Variants in CAMTA1 observed in about 807,000 individuals in gnomAD.
CAMTA1 encodes the protein calmodulin binding transcription activator 1, also known as calmodulin-binding transcription activator 1.
A neutral mutation model predicts 170.9 loss-of-function variants in CAMTA1; 27 were observed. The ratio of observed to expected loss-of-function variants is 0.16; its 90% CI spans 0.12 to 0.22. The LOEUF is 0.22. CAMTA1 is among the 10% of genes least tolerant of loss of function. The probability of loss-of-function intolerance (pLI) is 1.00; values close to 1 mark genes in which losing one functional copy is unlikely to be tolerated. For synonymous variants in CAMTA1, 833 were observed against 891.5 expected (o/e 0.93, Z 1.17); for missense variants, 1,619 against 2,217.2 (o/e 0.73, Z 5.42).
intron 4 of CAMTA1, among the ~76,000 whole-genome samples, chr1:7,245,203 A>G (rs962204836): frequency 2.3e-4 from 34 of 147,842 alleles, no homozygotes; most frequent in Non-Finnish European, 3.6e-4. Flanking sequence ...GTGTGTGTGT[A>G]TATATATATA....
Position 7,144,137 on chromosome 1 carries a change from C to T in CAMTA1, c.302+52766C>T, listed in dbSNP as rs891601236. Among the ~76,000 whole-genome samples, 3 of 152,162 alleles carry T rather than the reference C, an allele frequency of 2.0e-5. No individual in the cohort carries two copies. Among genetic ancestry groups the T allele is most frequent in the African/African-American group, 7.2e-5 (3 of 41,442 alleles). On this transcript the variant is annotated intron_variant, in intron 4 of 22. Transcript: ENST00000303635. The surrounding 1 kb of genome is among the most constrained non-coding windows in gnomAD (Gnocchi z 4.0). ...TTCTTATGTTCTGGAGGCTGGAAGT[C>T]TGAGATCAGGGTGCCAGCATGGCCA... is the stretch of plus-strand genomic sequence containing the variant.
chr1:7,494,773 C>T (rs1347690748), intron 6 of CAMTA1, among the ~76,000 whole-genome samples: 1 of 152,090 alleles, frequency 6.6e-6, no homozygotes, highest in Non-Finnish European at 1.5e-5. Flanking sequence ...CACTGCACTC[C>T]AGCGTGGGTG....
intron 4 of CAMTA1, among the ~76,000 whole-genome samples, chr1:7,171,483 A>T (rs1425175449): frequency 6.6e-6 from 1 of 152,212 alleles, no homozygotes; most frequent in Non-Finnish European, 1.5e-5. Flanking sequence ...TCTCAGGGCC[A>T]ACACAGACCA....
At chr1:7,023,926 G>C (rs1278151260) in intron 3 of CAMTA1, among the ~76,000 whole-genome samples, 1 of 151,604 alleles carries the variant, frequency 6.6e-6, no homozygotes, top group East Asian at 1.9e-4. Context: ...TACTCAGGAG[G>C]CTGAGGCAGG....
rs967041619 is a variant in CAMTA1 at position 6,918,458 on chromosome 1, T to C, written c.234+93248T>C. On this transcript the variant is annotated intron_variant, in intron 3 of 22. Coordinates refer to ENST00000303635, the MANE Select transcript of CAMTA1 (RefSeq NM_015215.4). This position sits in a 1 kb window ranked among gnomAD's most constrained non-coding sequence, Gnocchi z 4.0. ...ATCATTGGCAGTAATAGAAAAGTCATTGGAATAGAATGTTGTCACAGATAA... is the reference window on the plus strand; with the variant it reads ...ATCATTGGCAGTAATAGAAAAGTCACTGGAATAGAATGTTGTCACAGATAA... 4.6e-5 allele frequency among the ~76,000 whole-genome samples: 7 copies of C among 152,166 alleles called. No homozygotes were observed. Among genetic ancestry groups the C allele is most frequent in the Admixed American group, 4.6e-4 (7 of 15,284 alleles).
chr1:6,880,020 C>T (rs1671061724), intron 3 of CAMTA1, among the ~76,000 whole-genome samples: 1 of 151,948 alleles, frequency 6.6e-6, no homozygotes, highest in Non-Finnish European at 1.5e-5. Context: ...ATCAGCAAAC[C>T]CACCTGGAAT....
chr1:6,900,541 C>A (rs1182540424), intron 3 of CAMTA1, among the ~76,000 whole-genome samples: 1 of 151,432 alleles, frequency 6.6e-6, no homozygotes, highest in Non-Finnish European at 1.5e-5. Context: ...TATGAAAAAC[C>A]CATGGAATCT....
chr1:6,964,621 G>GC (rs1287506043), intron 3 of CAMTA1, among the ~76,000 whole-genome samples: 26 of 152,128 alleles, frequency 1.7e-4, no homozygotes, highest in Non-Finnish European at 2.8e-4. Context: ...TTATTCTCTT[G>GC]CCCCCACAGG....
At position 7,072,457 on chromosome 1, in the gene CAMTA1, T is replaced by C. The variant is rs148666455; in HGVS notation, c.235-18847T>C. 3.7e-4 allele frequency among the ~76,000 whole-genome samples: 56 copies of C among 152,374 alleles called. 1 individual carries two copies. In the East Asian group the frequency reaches 0.011, roughly 29 times the overall value. ...TCCATTCATTTCTTCATTCAATATTTATGAAATCTGGGTGCTGTTCTAGGG... is the reference window on the plus strand; with the variant it reads ...TCCATTCATTTCTTCATTCAATATTCATGAAATCTGGGTGCTGTTCTAGGG... On this transcript the variant is annotated intron_variant, in intron 3 of 22. Coordinates refer to ENST00000303635, the MANE Select transcript of CAMTA1 (RefSeq NM_015215.4).
chr1:7,714,647 G>A (rs555224021), intron 11 of CAMTA1, among the ~76,000 whole-genome samples: 2 of 152,010 alleles, frequency 1.3e-5, no homozygotes, highest in African/African-American at 2.4e-5. Flanking sequence ...TCAGCCTCCC[G>A]AGTAGCTGGG....
intron 3 of CAMTA1, among the ~76,000 whole-genome samples, chr1:7,078,190 A>T (rs1411522545): frequency 6.6e-6 from 1 of 152,246 alleles, no homozygotes; most frequent in African/African-American, 2.4e-5. Context: ...CTACGCACAT[A>T]GAATCCTGCC....
rs141858418 is a variant in CAMTA1, at chr1:7,051,971, G to A, written c.235-39333G>A. On this transcript the variant is annotated intron_variant, in intron 3 of 22. Coordinates refer to ENST00000303635, the MANE Select transcript of CAMTA1 (RefSeq NM_015215.4). ...CTCTCCGCAGCCTCCCCCTTCTTCC[G>A]CTCAGGGGCTCTGGCTCTGCCGTGG... is the stretch of plus-strand genomic sequence containing the variant. Among the ~76,000 whole-genome samples, 593 of 151,736 alleles carry A rather than the reference G, an allele frequency of 3.9e-3. 3 individuals are homozygous for A. Among genetic ancestry groups the A allele is most frequent in the African/African-American group, 0.014 (559 of 41,370 alleles).
intron 3 of CAMTA1, among the ~76,000 whole-genome samples, chr1:6,914,357 C>T (rs998270878): frequency 2.6e-5 from 4 of 152,228 alleles, no homozygotes; most frequent in African/African-American, 9.6e-5. Flanking sequence ...CTGCCTTGGC[C>T]TCCCAGAGTG....
At chr1:7,087,610 A>G (rs577100434) in intron 3 of CAMTA1, among the ~76,000 whole-genome samples, 2 of 152,338 alleles carry the variant, frequency 1.3e-5, no homozygotes, top group African/African-American at 2.4e-5. Context: ...GCCATTCTGC[A>G]TGGGTTTGGG....
intron 4 of CAMTA1, among the ~76,000 whole-genome samples, chr1:7,247,456 G>C (rs1427818344): frequency 6.6e-6 from 1 of 152,200 alleles, no homozygotes; most frequent in African/African-American, 2.4e-5. Context: ...ACAAATCACA[G>C]TTCATGTCTT....
In CAMTA1 at chr1:7,489,696, C is replaced by A. The variant is rs533468159; in HGVS notation, c.510+21795C>A. On this transcript the variant is annotated intron_variant, in intron 6 of 22. Coordinates refer to ENST00000303635, the MANE Select transcript of CAMTA1 (RefSeq NM_015215.4). ...TAAATACACACTCGTTAAAGTGGCACGCATCCAGCCTCCCCACCCTCCTGA... is the reference window on the plus strand; with the variant it reads ...TAAATACACACTCGTTAAAGTGGCAAGCATCCAGCCTCCCCACCCTCCTGA... Among the ~76,000 whole-genome samples the A allele has an allele frequency of 2.0e-5, 3 of 152,206 alleles. No homozygotes were observed. The South Asian group carries it at 6.2e-4, about 32-fold the overall frequency.
intron 11 of CAMTA1, among the ~76,000 whole-genome samples, chr1:7,701,461 G>C (rs2096439329): frequency 6.6e-6 from 1 of 152,078 alleles, no homozygotes; most frequent in Non-Finnish European, 1.5e-5. Context: ...TGTTGCCCAG[G>C]CTGGAATGCA....
chr1:7,429,919 C>A (rs61772206), intron 5 of CAMTA1, among the ~76,000 whole-genome samples: 3 of 151,888 alleles, frequency 2.0e-5, no homozygotes, highest in African/African-American at 7.2e-5. Flanking sequence ...TTTAAACAAC[C>A]AGATCTAGTA....
rs549215755 is a variant in CAMTA1 at position 6,981,949 on chromosome 1, T to C, written c.235-109355T>C. On this transcript the variant is annotated intron_variant, in intron 3 of 22. Coordinates refer to ENST00000303635, the MANE Select transcript of CAMTA1 (RefSeq NM_015215.4). Reference sequence around the variant, plus strand: ...CTTGCTATGTTGCCCAGGCCTCTCTTAAACTCCTGGGCTCCAGTGATCCTC... The same window carrying C: ...CTTGCTATGTTGCCCAGGCCTCTCTCAAACTCCTGGGCTCCAGTGATCCTC... Among the ~76,000 whole-genome samples the C allele has an allele frequency of 3.1e-4, 47 of 152,248 alleles. 1 individual carries two copies. The highest frequency in any genetic ancestry group is 3.4e-3 in the Middle Eastern group (1 of 294).
Sources: allele counts gnomAD v4.1 joint callset (sites outside exome capture counted in the v4.1 genomes callset), GRCh38; gene constraint gnomAD v4.1.1; non-coding constraint Gnocchi (gnomAD v3.1); transcripts MANE v1.5; gene names NCBI Gene and HGNC (gene_info 2026-07-23, HGNC 2026-07-21).